Variants in ZNF101 observed in about 807,000 individuals in gnomAD.
ZNF101 encodes zinc finger protein 101.
Under a neutral mutation model 42.6 loss-of-function variants are expected in ZNF101, and 34 were observed. The observed-to-expected ratio is 0.80, with a 90% CI of 0.61 to 1.06. ZNF101 has a LOEUF of 1.06. Among genes scored for constraint, ZNF101 ranks in the 50% least tolerant of loss-of-function variants. The pLI is 0.00. For missense variants in ZNF101, 466 were observed against 530.9 expected, an observed-to-expected ratio of 0.88 and a Z score of 1.20; for synonymous variants, 158 against 183.9, an observed-to-expected ratio of 0.86 and a Z score of 1.14.
Position 19,680,352 on chromosome 19 carries a change from C to T in ZNF101, c.*52C>T, listed in dbSNP as rs1429090649. Reference sequence around the variant, plus strand: ...CCCATATCGGCTGGGTACGGTGGCTCACGCTTGTAATCCCAGCACTTTGGG... The same window carrying T: ...CCCATATCGGCTGGGTACGGTGGCTTACGCTTGTAATCCCAGCACTTTGGG... On this transcript the variant is annotated 3_prime_UTR_variant, in exon 4 of 4. Coordinates refer to ENST00000592502, the MANE Select transcript of ZNF101 (RefSeq NM_033204.4). 7 of 1,071,762 alleles carry T rather than the reference C, an allele frequency of 6.5e-6. No individual in the cohort carries two copies. Among genetic ancestry groups the T allele is most frequent in the Non-Finnish European group, 9.0e-6 (7 of 778,790 alleles). The allele number at this position is 1,071,762 out of a possible 1,614,324, so 66.4% of individuals were successfully genotyped here.
rs912753311 is a variant in ZNF101 at position 19,683,465 on chromosome 19, G to A, written c.*3165G>A. On this transcript the variant is annotated 3_prime_UTR_variant, in exon 4 of 4. Coordinates refer to ENST00000592502, the MANE Select transcript of ZNF101 (RefSeq NM_033204.4). ...ATTTAGTCTCCTGATCAAGTATGAT[G>A]TTAGCTGCAGGTTTTTAATAAATGC... The A allele has an allele frequency of 1.3e-5, 2 of 152,112 alleles. No homozygotes were observed. The highest frequency in any genetic ancestry group is 2.9e-5 in the Non-Finnish European group (2 of 68,018). 9.4% of individuals were successfully genotyped at this position (152,112 alleles called of 1,614,324 possible). A position where few individuals can be genotyped will look rare whatever the true frequency, so the allele number is the denominator to read the frequency against.
intron 1 of ZNF101, chr19:19,677,426 G>T: frequency 5.9e-6 from 1 of 169,032 alleles, no homozygotes; most frequent in East Asian, 1.8e-4. Flanking sequence ...CACTTAAGTT[G>T]ATGGGATCCC....
At chr19:19,678,365 C>T (rs2062215774) in intron 2 of ZNF101, among the ~76,000 whole-genome samples, 1 of 151,974 alleles carries the variant, frequency 6.6e-6, no homozygotes, top group African/African-American at 2.4e-5. Context: ...CCTGTAATCC[C>T]AGCACTTTGG....
At chr19:19,676,683 G>T (rs1264810374) in intron 1 of ZNF101, 1 of 151,580 alleles carries the variant, frequency 6.6e-6, no homozygotes, top group Non-Finnish European at 1.5e-5. Context: ...GCCCAGGCTG[G>T]AGTGCAGTGG....
rs2062223773 is a variant in ZNF101 at position 19,679,469 on chromosome 19, A to G, written c.480A>G (p.Thr160=). Residue 160 remains threonine (T), a synonymous_variant, in exon 4 of 4, where the codon ACA becomes ACG. Coordinates refer to ENST00000592502, the MANE Select transcript of ZNF101 (RefSeq NM_033204.4). ...CCCCCAGTAGTGGTGCACGGCGCAC[A>G]GTAACACCAACTCGAAAGAGACCTT... ...SISPSSGARR[T]VTPTRKRPYE... is the part of the protein sequence containing the mutation. 6.2e-7 allele frequency: 1 copy of G among 1,614,088 alleles called. No homozygotes were observed. Among genetic ancestry groups the G allele is most frequent in the African/African-American group, 1.3e-5 (1 of 74,936 alleles).
rs1276233059 is a variant in ZNF101, at chr19:19,681,463, C to G, written c.*1163C>G. The G allele has an allele frequency of 2.6e-5, 4 of 152,174 alleles. No individual in the cohort carries two copies. The highest frequency in any genetic ancestry group is 5.9e-5 in the Non-Finnish European group (4 of 68,044). 9.4% of individuals were successfully genotyped at this position (152,174 alleles called of 1,614,324 possible). On this transcript the variant is annotated 3_prime_UTR_variant, in exon 4 of 4. Coordinates refer to ENST00000592502, the MANE Select transcript of ZNF101 (RefSeq NM_033204.4). Reference sequence around the variant, plus strand: ...TTCCATTTTAACAATAATTAAAATTCACATGGGCTGTGCACAGTGGCTCTC... The same window carrying G: ...TTCCATTTTAACAATAATTAAAATTGACATGGGCTGTGCACAGTGGCTCTC...
At position 19,683,452 on chromosome 19, in the gene ZNF101, G is replaced by A. The variant is rs2062249239; in HGVS notation, c.*3152G>A. ...TGATGGAGAAAGCATTTAGTCTCCT[G>A]ATCAAGTATGATGTTAGCTGCAGGT... On this transcript the variant is annotated 3_prime_UTR_variant, in exon 4 of 4. Coordinates refer to ENST00000592502, the MANE Select transcript of ZNF101 (RefSeq NM_033204.4). 1 of 152,166 alleles carries A rather than the reference G, an allele frequency of 6.6e-6. No individual in the cohort carries two copies. Among genetic ancestry groups the A allele is most frequent in the Non-Finnish European group, 1.5e-5 (1 of 68,034 alleles). 9.4% of individuals were successfully genotyped at this position (152,166 alleles called of 1,614,324 possible).
intron 1 of ZNF101, among the ~76,000 whole-genome samples, chr19:19,671,965 G>T (rs867859938): frequency 1.9e-4 from 29 of 151,730 alleles, no homozygotes; most frequent in African/African-American, 6.3e-4. Flanking sequence ...GCAAACACCT[G>T]TAATTCTAGG....
At chr19:19,679,055 AT>A in intron 3 of ZNF101, 125 bp from the exon 4 acceptor site, 1 of 1,443,266 alleles carries the variant, frequency 6.9e-7, no homozygotes, top group Non-Finnish European at 9.2e-7. Flanking sequence ...CTTTCTAATA[AT>A]TCTGACCCAG....
At chr19:19,674,706 A>G (rs1444961387) in intron 1 of ZNF101, among the ~76,000 whole-genome samples, 4 of 152,096 alleles carry the variant, frequency 2.6e-5, no homozygotes, top group Non-Finnish European at 5.9e-5. Flanking sequence ...TCCCCTCTTC[A>G]GTTTTGGAAG....
At chr19:19,675,427 C>T (rs558798974) in intron 1 of ZNF101, among the ~76,000 whole-genome samples, 27 of 152,218 alleles carry the variant, frequency 1.8e-4, no homozygotes, top group African/African-American at 5.5e-4. Context: ...CATGAGCCAC[C>T]GTGCCTGGCT....
At chr19:19,671,787 C>T in intron 1 of ZNF101, among the ~76,000 whole-genome samples, 1 of 152,104 alleles carries the variant, frequency 6.6e-6, no homozygotes, top group East Asian at 1.9e-4. Flanking sequence ...GCGTGAGCCC[C>T]CGTGCCCGGC....
rs766816375 is a variant in ZNF101, at chr19:19,679,297, A to G, written c.308A>G (p.Lys103Arg). Residue 103 changes from lysine to arginine, a missense_variant, in exon 4 of 4, where the codon AAA becomes AGA. Transcript: ENST00000592502. ...KKSQTGVKPCKCSVCGKVFLR... is the reference protein window; with the variant it reads ...KKSQTGVKPCRCSVCGKVFLR... Reference sequence around the variant, plus strand: ...AGTCAAACTGGAGTGAAACCATGCAAATGCAGCGTGTGTGGGAAAGTCTTC... The same window carrying G: ...AGTCAAACTGGAGTGAAACCATGCAGATGCAGCGTGTGTGGGAAAGTCTTC... 3.7e-6 allele frequency: 6 copies of G among 1,614,202 alleles called. No homozygotes were observed. The highest frequency in any genetic ancestry group is 5.1e-6 in the Non-Finnish European group (6 of 1,180,042).
chr19:19,677,595 A>G lies in ZNF101; in HGVS notation c.4-269A>G, dbSNP rs925006322. ...GGTACTAGAGATTCACTCTGCAAAG[A>G]GCATTTGGGGCAACGCAGCAGCACA... On this transcript the variant is annotated intron_variant, in intron 1 of 3. Coordinates refer to ENST00000592502, the MANE Select transcript of ZNF101 (RefSeq NM_033204.4). 2.1e-5 allele frequency: 7 copies of G among 335,954 alleles called. No homozygotes were observed. In the East Asian group the frequency reaches 3.7e-4, roughly 18 times the overall value. The allele number at this position is 335,954 out of a possible 1,614,324, so 20.8% of individuals were successfully genotyped here. A position where few individuals can be genotyped will look rare whatever the true frequency, so the allele number is the denominator to read the frequency against.
In ZNF101 at chr19:19,679,422, C is replaced by G. The variant is rs1321486255; in HGVS notation, c.433C>G (p.Gln145Glu). 13 of 1,613,842 alleles carry G rather than the reference C, an allele frequency of 8.1e-6. No individual in the cohort carries two copies. The highest frequency in any genetic ancestry group is 1.1e-5 in the Non-Finnish European group (13 of 1,179,936). ...EWRETPRKQK[Q>E]HGKASISPSS... ...GAGAGAGACGCCCCGTAAACAGAAA[C>G]AACATGGGAAAGCCTCCATTTCCCC... The change falls in exon 4 of 4, where the codon CAA becomes GAA. Residue 145 changes from glutamine to glutamate, a missense_variant. Transcript: ENST00000592502.
intron 1 of ZNF101, among the ~76,000 whole-genome samples, chr19:19,673,810 T>A (rs202187320): frequency 1.3e-5 from 2 of 149,000 alleles, no homozygotes; most frequent in Non-Finnish European, 3.0e-5. Context: ...TATTATTATT[T>A]TGAGATGGAG....
Position 19,683,359 on chromosome 19 carries a change from A to ATGGTTT in ZNF101, c.*3059_*3060insTGGTTT, listed in dbSNP as rs2062248998. 1 of 151,892 alleles carries ATGGTTT rather than the reference A, an allele frequency of 6.6e-6. No homozygotes were observed. Among genetic ancestry groups the ATGGTTT allele is most frequent in the Admixed American group, 6.6e-5 (1 of 15,220 alleles). The allele number at this position is 151,892 out of a possible 1,614,324, so 9.4% of individuals were successfully genotyped here. On this transcript the variant is annotated 3_prime_UTR_variant, in exon 4 of 4. Transcript: ENST00000592502. ...TCTTTACTCTTTGTCGTTATTTCTG[A>ATGGTTT]GTATTATTTGGATGGTTCATTTTGA...
Position 19,679,943 on chromosome 19 carries a change from C to T in ZNF101, c.954C>T (p.Val318=), listed in dbSNP as rs371722187. 1.2e-6 allele frequency: 2 copies of T among 1,613,980 alleles called. No homozygotes were observed. The highest frequency in any genetic ancestry group is 1.7e-6 in the Non-Finnish European group (2 of 1,180,020). The change falls in exon 4 of 4, where the codon GTC becomes GTT. Residue 318 remains valine, a synonymous_variant. Coordinates refer to ENST00000592502, the MANE Select transcript of ZNF101 (RefSeq NM_033204.4). ...ACGAATGTCAAAAATGTGCCAAAGT[C>T]TTTAGATGTCCCACGTCCCTTCAAG... is the stretch of plus-strand genomic sequence containing the variant. The part of the protein sequence containing the change: ...KLYECQKCAK[V]FRCPTSLQAH...
Position 19,678,774 on chromosome 19 carries a change from G to C in ZNF101, c.179G>C (p.Gly60Ala). The change falls in exon 3 of 4, where the codon GGG (glycine) becomes GCG (alanine). Residue 60 changes from glycine (G) to alanine (A), a missense_variant. Physicochemically the swap from Gly to Ala is moderately conservative, Grantham distance 60 (BLOSUM62 0). Transcript: ENST00000592502. ...ATTGAGAATCTGTACCAAAACCTGG[G>C]GATTAAGCTAAGGTAATCTCCACTC... is the stretch of plus-strand genomic sequence containing the variant. The part of the protein sequence containing the change: ...QDIENLYQNL[G>A]IKLRSLVERL... The C allele has an allele frequency of 6.2e-7, 1 of 1,611,544 alleles. No individual in the cohort carries two copies. Among genetic ancestry groups the C allele is most frequent in the South Asian group, 1.1e-5 (1 of 90,486 alleles).
Sources: gnomAD v4.1 joint callset for allele counts (sites outside exome capture counted in the v4.1 genomes callset) on GRCh38, gnomAD v4.1.1 for gene constraint, MANE v1.5 for transcripts, NCBI Gene and HGNC (gene_info 2026-07-23, HGNC 2026-07-21) for gene names.